Variants in ZNF653 observed in about 807,000 individuals in gnomAD.
The protein encoded by ZNF653 is 67 kDa zinc finger protein.
A neutral mutation model predicts 59.9 loss-of-function variants in ZNF653; 37 were observed. The ratio of observed to expected loss-of-function variants is 0.62; its 90% CI spans 0.48 to 0.81. The LOEUF (loss-of-function observed/expected upper bound fraction) is 0.81. Among genes scored for constraint, ZNF653 ranks in the 40% least tolerant of loss-of-function variants. The probability of loss-of-function intolerance (pLI) is 0.00; values close to 1 mark genes in which losing one functional copy is unlikely to be tolerated. For missense variants in ZNF653, 808 were observed against 881.1 expected, an observed-to-expected ratio of 0.92 and a Z score of 1.05; for synonymous variants, 435 against 371.8, an observed-to-expected ratio of 1.17 and a Z score of -1.96.
chr19:11,486,908 G>A, intron 5 of ZNF653, 28 bp from the exon 6 acceptor site: 2 of 1,611,074 alleles, frequency 1.2e-6, no homozygotes, highest in East Asian at 2.2e-5. Context: ...ATGACATCGG[G>A]GCTCCCGCAC....
At position 11,487,506 on chromosome 19, in the gene ZNF653, C is replaced by G; in HGVS notation, c.957G>C (p.Val319=). The change falls in exon 4 of 9, where the codon GTG becomes GTC. Residue 319 remains valine (V), a synonymous_variant. Coordinates refer to ENST00000293771, the MANE Select transcript of ZNF653 (RefSeq NM_138783.4). This position sits in a 1 kb window ranked among gnomAD's most constrained non-coding sequence, Gnocchi z 5.1. ...PMPGMVPGSQ[V]IIIAGPGYDA... ...CGTAACCAGGGCCCGCAATGATGAT[C>G]ACCTGTGAGCCGGGCACCATGCCTG... 1 of 1,613,900 alleles carries G rather than the reference C, an allele frequency of 6.2e-7. No homozygotes were observed. Among genetic ancestry groups the G allele is most frequent in the African/African-American group, 1.3e-5 (1 of 75,044 alleles).
In ZNF653 at chr19:11,492,423, C is replaced by T. The variant is rs529530320; in HGVS notation, c.559+3527G>A. On this transcript the variant is annotated intron_variant, in intron 3 of 8. Coordinates refer to ENST00000293771, the MANE Select transcript of ZNF653 (RefSeq NM_138783.4). ...GGAATGCACTGGCACAGTCATAGCT[C>T]ACTGCAGCCTCGAGCTCCTAGGTTC... Among the ~76,000 whole-genome samples, 3 of 152,292 alleles carry T rather than the reference C, an allele frequency of 2.0e-5. No homozygotes were observed. In the East Asian group the frequency reaches 5.8e-4, roughly 29 times the overall value.
At chr19:11,503,565 G>A (rs542556312) in intron 1 of ZNF653, among the ~76,000 whole-genome samples, 1 of 152,238 alleles carries the variant, frequency 6.6e-6, no homozygotes, top group Non-Finnish European at 1.5e-5. Flanking sequence ...CCAGCACTTC[G>A]GGAGGCTGAG....
intron 1 of ZNF653, among the ~76,000 whole-genome samples, chr19:11,501,093 C>T (rs1365672678): frequency 3.3e-5 from 5 of 152,142 alleles, no homozygotes; most frequent in Non-Finnish European, 7.3e-5. Context: ...TTCCCACCAG[C>T]ATCTAAATAT....
chr19:11,494,148 C>T (rs10417853), intron 3 of ZNF653, among the ~76,000 whole-genome samples: 3,342 of 152,146 alleles, frequency 0.022, 126 homozygotes, highest in African/African-American at 0.077. Context: ...GTGGTGAAAA[C>T]CCACGTCTAC....
chr19:11,483,915 G>T, intron 8 of ZNF653, 56 bp from the exon 9 acceptor site: 1 of 1,507,424 alleles, frequency 6.6e-7, no homozygotes, highest in Non-Finnish European at 8.9e-7. Context: ...GGCGGGGCGG[G>T]GCCCTACAAG....
Position 11,487,055 on chromosome 19 carries a change from C to A in ZNF653, c.1275G>T (p.Ala425=). ...CGCTGCCGTCCAGCTCCTCCCCGTC[C>A]GCCTCTGCCTCAGGCTCTGCGCTCT... is the stretch of plus-strand genomic sequence containing the variant. ...VPESAEPEAE[A]DGEELDGSDM... The change falls in exon 5 of 9, where the codon GCG becomes GCT. Residue 425 remains alanine (A), a synonymous_variant. Coordinates refer to ENST00000293771, the MANE Select transcript of ZNF653 (RefSeq NM_138783.4). This position sits in a 1 kb window ranked among gnomAD's most constrained non-coding sequence, Gnocchi z 5.1. 6.2e-7 allele frequency: 1 copy of A among 1,614,124 alleles called. No individual in the cohort carries two copies. The highest frequency in any genetic ancestry group is 8.5e-7 in the Non-Finnish European group (1 of 1,179,998).
chr19:11,495,843 A>T lies in ZNF653; in HGVS notation c.559+107T>A. The T allele has an allele frequency of 8.3e-7, 1 of 1,209,360 alleles. No individual in the cohort carries two copies. Among genetic ancestry groups the T allele is most frequent in the Non-Finnish European group, 1.2e-6 (1 of 865,016 alleles). The allele number at this position is 1,209,360 out of a possible 1,614,324, so 74.9% of individuals were successfully genotyped here. On this transcript the variant is annotated intron_variant, in intron 3 of 8. Transcript: ENST00000293771. This position sits in a 1 kb window ranked among gnomAD's most constrained non-coding sequence, Gnocchi z 4.9. ...TGCTCTGCCCCAGTGCCAGAGCCAG[A>T]GCCAGAGCCACTGTGGCTGCTATTC...
At chr19:11,486,736 C>A (rs765091713) in intron 6 of ZNF653, 33 bp downstream of exon 6, 4 of 1,558,184 alleles carry the variant, frequency 2.6e-6, no homozygotes, top group Non-Finnish European at 3.5e-6. Flanking sequence ...GCCTTGTGGG[C>A]CTGGCCCAGG....
At chr19:11,497,348 C>T (rs764732933) in intron 2 of ZNF653, among the ~76,000 whole-genome samples, 13 of 152,190 alleles carry the variant, frequency 8.5e-5, no homozygotes, top group East Asian at 1.9e-4. Context: ...GATGAGAGAA[C>T]GCTGCATAGC....
intron 3 of ZNF653, among the ~76,000 whole-genome samples, chr19:11,491,376 C>G (rs558462174): frequency 6.6e-6 from 1 of 152,312 alleles, no homozygotes; most frequent in South Asian, 2.1e-4. Context: ...AGGAAAGAAC[C>G]TGGGTCCAGG....
At chr19:11,485,932 T>TG (rs1214529148) in intron 6 of ZNF653, among the ~76,000 whole-genome samples, 162 bp from the exon 7 acceptor site, 8 of 151,854 alleles carry the variant, frequency 5.3e-5, no homozygotes, top group African/African-American at 1.9e-4. Flanking sequence ...GGGGCACAAC[T>TG]GGGGTCAAAG....
At chr19:11,499,314 G>A (rs1971619903) in intron 1 of ZNF653, among the ~76,000 whole-genome samples, 1 of 152,204 alleles carries the variant, frequency 6.6e-6, no homozygotes, top group African/African-American at 2.4e-5. Flanking sequence ...CTCTTCCCCT[G>A]AGCGGGGCAG....
Position 11,485,755 on chromosome 19 carries a change from C to T in ZNF653, c.1471G>A (p.Val491Met). ...LSSFQNHVNL[V>M]HRKGKTKVCP... is the part of the protein sequence containing the mutation. ...ACTTTGGTCTTTCCTTTCCGATGCA[C>T]AAGATTGACGTGGTTCTGGAGACGA... Residue 491 changes from valine to methionine, a missense_variant, in exon 7 of 9, where the codon GTG (valine) becomes ATG (methionine). Physicochemically the swap from Val to Met is conservative, Grantham distance 21. Transcript: ENST00000293771. 2 of 1,613,842 alleles carry T rather than the reference C, an allele frequency of 1.2e-6. No homozygotes were observed. Among genetic ancestry groups the T allele is most frequent in the Non-Finnish European group, 1.7e-6 (2 of 1,179,844 alleles).
chr19:11,483,877 C>T lies in ZNF653; in HGVS notation c.1671-18G>A, dbSNP rs1176305621. 1.5e-6 allele frequency: 1 copy of T among 654,426 alleles called. No homozygotes were observed. The highest frequency in any genetic ancestry group is 2.3e-6 in the Non-Finnish European group (1 of 438,544). 40.5% of individuals were successfully genotyped at this position (654,426 alleles called of 1,614,324 possible). ...TCTCGCACCTGCCGGGAGCCCGTGG[C>T]GGGACGGGGCGGGGTCAGAGTGGGC... On this transcript the variant is annotated intron_variant, in intron 8 of 8. Transcript: ENST00000293771.
At chr19:11,499,338 A>T (rs1971620373) in intron 1 of ZNF653, among the ~76,000 whole-genome samples, 1 of 152,160 alleles carries the variant, frequency 6.6e-6, no homozygotes, top group Non-Finnish European at 1.5e-5. Context: ...TGTGAGTAGG[A>T]CTGGATGTCA....
At chr19:11,486,095 C>T (rs142763258) in intron 6 of ZNF653, among the ~76,000 whole-genome samples, 5,317 of 152,142 alleles carry the variant, frequency 0.035, 294 homozygotes, top group African/African-American at 0.12. Flanking sequence ...GGAGTACAGG[C>T]GCCCGCCACC....
In ZNF653 at chr19:11,487,950, G is replaced by A. The variant is rs1971487971; in HGVS notation, c.560-47C>T. 2.1e-6 allele frequency: 3 copies of A among 1,416,408 alleles called. No homozygotes were observed. Among genetic ancestry groups the A allele is most frequent in the Non-Finnish European group, 2.8e-6 (3 of 1,084,502 alleles). The allele number at this position is 1,416,408 out of a possible 1,614,324, so 87.7% of individuals were successfully genotyped here. The stretch of plus-strand genomic sequence containing the variant: ...AGTGGTTATGATAGCTGCAGCCACT[G>A]GTATTTGTTTATTTAGTTTTTATTT... On this transcript the variant is annotated intron_variant, in intron 3 of 8. Coordinates refer to ENST00000293771, the MANE Select transcript of ZNF653 (RefSeq NM_138783.4). The surrounding 1 kb of genome is among the most constrained non-coding windows in gnomAD (Gnocchi z 5.1).
intron 8 of ZNF653, 80 bp downstream of exon 8, chr19:11,483,962 T>A: frequency 6.6e-7 from 1 of 1,524,052 alleles, no homozygotes; most frequent in South Asian, 1.2e-5. Flanking sequence ...GACACTGCGT[T>A]GGGGCGAAGC....
Sources: allele counts gnomAD v4.1 joint callset (sites outside exome capture counted in the v4.1 genomes callset), GRCh38; gene constraint gnomAD v4.1.1; non-coding constraint Gnocchi (gnomAD v3.1); transcripts MANE v1.5; gene names NCBI Gene and HGNC (gene_info 2026-07-23, HGNC 2026-07-21).